The following GALNTL6 variants were observed in gnomAD, a reference collection of about 807,000 sequenced individuals.
GALNTL6 encodes polypeptide N-acetylgalactosaminyltransferase-like 6.
A neutral mutation model predicts 73.7 loss-of-function variants in GALNTL6; 46 were observed. The ratio of observed to expected loss-of-function variants is 0.62; its 90% confidence interval spans 0.49 to 0.80. The LOEUF (loss-of-function observed/expected upper bound fraction) is 0.80. GALNTL6 is among the 30% of genes least tolerant of loss of function. The pLI is 0.00. For synonymous variants in GALNTL6, 259 were observed against 263.7 expected (o/e 0.98, Z 0.17); for missense variants, 604 against 755.0 (o/e 0.80, Z 2.34).
intron 5 of GALNTL6, among the ~76,000 whole-genome samples, chr4:172,583,702 C>T (rs1737281905): frequency 6.6e-6 from 1 of 151,772 alleles, no homozygotes; most frequent in Admixed American, 6.6e-5. Context: ...GAGTTCGAGA[C>T]CAGCCTGACC....
chr4:172,644,827 A>G (rs1160910446), intron 5 of GALNTL6, among the ~76,000 whole-genome samples: 1 of 151,898 alleles, frequency 6.6e-6, no homozygotes, highest in Non-Finnish European at 1.5e-5. Flanking sequence ...ATCTTTGTCA[A>G]TTTACACTAC....
At chr4:173,021,424 T>C in intron 11 of GALNTL6, 52 bp from the exon 12 acceptor site, 1 of 1,597,834 alleles carries the variant, frequency 6.3e-7, no homozygotes, top group Non-Finnish European at 8.6e-7. Flanking sequence ...CCCTTGCATC[T>C]TCTCTCCAAA....
intron 5 of GALNTL6, among the ~76,000 whole-genome samples, chr4:172,759,372 T>A (rs1737935799): frequency 6.6e-6 from 1 of 152,212 alleles, no homozygotes. Context: ...AGTCAAATTC[T>A]ACAAACTGGA....
At chr4:172,941,695 T>A (rs1748930346) in intron 9 of GALNTL6, among the ~76,000 whole-genome samples, 1 of 152,240 alleles carries the variant, frequency 6.6e-6, no homozygotes. Flanking sequence ...AGGTCCCTGC[T>A]GCTACAAAAT....
intron 2 of GALNTL6, among the ~76,000 whole-genome samples, chr4:171,970,888 A>G (rs1374170493): frequency 2.0e-5 from 3 of 152,236 alleles, no homozygotes; most frequent in Non-Finnish European, 4.4e-5. Flanking sequence ...ATAAATCACT[A>G]CTGAAGTCAA....
intron 4 of GALNTL6, among the ~76,000 whole-genome samples, chr4:172,315,592 A>T (rs144651769): frequency 2.4e-4 from 37 of 152,292 alleles, no homozygotes; most frequent in Middle Eastern, 3.4e-3. Flanking sequence ...TACTTGATGT[A>T]TTTTAAATAC....
intron 2 of GALNTL6, among the ~76,000 whole-genome samples, chr4:172,156,540 A>AGTATATATATATATATATATAGTGTATAT (rs58197299): frequency 8.0e-6 from 1 of 125,186 alleles, no homozygotes; most frequent in African/African-American, 3.4e-5. Flanking sequence ...ATATATATAT[A>AGTATATATATATATATATATAGTGTATAT]ATATATATAT....
At chr4:172,294,686 A>G (rs1320341083) in intron 3 of GALNTL6, among the ~76,000 whole-genome samples, 1 of 152,220 alleles carries the variant, frequency 6.6e-6, no homozygotes, top group African/African-American at 2.4e-5. Context: ...TTGTAATTTT[A>G]TCTGTGTAAG....
chr4:172,630,511 C>G (rs1739347590), intron 5 of GALNTL6, among the ~76,000 whole-genome samples: 1 of 151,990 alleles, frequency 6.6e-6, no homozygotes, highest in African/African-American at 2.4e-5. Flanking sequence ...GCCACAGAAA[C>G]TGGAGGGGAA....
chr4:172,262,175 C>T (rs1738278859), intron 3 of GALNTL6, among the ~76,000 whole-genome samples: 1 of 151,240 alleles, frequency 6.6e-6, no homozygotes, highest in African/African-American at 2.4e-5. Flanking sequence ...TAGTTTAAAT[C>T]CAGTGTGTCT....
At chr4:172,087,029 A>G (rs1732054551) in intron 2 of GALNTL6, among the ~76,000 whole-genome samples, 1 of 152,116 alleles carries the variant, frequency 6.6e-6, no homozygotes, top group South Asian at 2.1e-4. Context: ...CCTACCGTGT[A>G]TTGTGGGAAA....
chr4:173,011,523 G>T (rs1428088904), intron 11 of GALNTL6, among the ~76,000 whole-genome samples: 1 of 152,130 alleles, frequency 6.6e-6, no homozygotes, highest in Non-Finnish European at 1.5e-5. Flanking sequence ...ATTTTAATTT[G>T]ATTTTTGTAC....
At chr4:171,960,158 G>C (rs1178927877) in intron 2 of GALNTL6, among the ~76,000 whole-genome samples, 1 of 152,142 alleles carries the variant, frequency 6.6e-6, no homozygotes, top group East Asian at 1.9e-4. Context: ...TCTGTTTATT[G>C]AATTTGGCTA....
chr4:172,437,706 A>T (rs192990397), intron 5 of GALNTL6, among the ~76,000 whole-genome samples: 3 of 152,104 alleles, frequency 2.0e-5, no homozygotes, highest in Non-Finnish European at 4.4e-5. Context: ...CAATCTCTGA[A>T]TAGCATGTAA....
chr4:172,955,236 G>A (rs913722871), intron 10 of GALNTL6, among the ~76,000 whole-genome samples: 1 of 152,172 alleles, frequency 6.6e-6, no homozygotes, highest in African/African-American at 2.4e-5. Context: ...CCAGCACTTT[G>A]GGAGGCAGAG....
At chr4:172,856,310 C>T (rs951576101) in intron 7 of GALNTL6, among the ~76,000 whole-genome samples, 3 of 152,072 alleles carry the variant, frequency 2.0e-5, no homozygotes, top group Non-Finnish European at 4.4e-5. Flanking sequence ...ATAAAATGGA[C>T]AATAAAAAAT....
intron 2 of GALNTL6, among the ~76,000 whole-genome samples, chr4:172,187,852 T>C (rs1305692269): frequency 6.6e-6 from 1 of 152,212 alleles, no homozygotes; most frequent in East Asian, 1.9e-4. Context: ...TTGTCCTGTT[T>C]GGGTTACTTA....
intron 5 of GALNTL6, among the ~76,000 whole-genome samples, chr4:172,749,532 A>G (rs116736899): frequency 6.4e-4 from 98 of 152,236 alleles, no homozygotes; most frequent in African/African-American, 2.3e-3. Context: ...TCACAATTCT[A>G]CAAATGACAC....
intron 11 of GALNTL6, among the ~76,000 whole-genome samples, chr4:173,011,636 C>T (rs1044134127): frequency 6.6e-6 from 1 of 152,178 alleles, no homozygotes; most frequent in African/African-American, 2.4e-5. Context: ...AAGAGACTGT[C>T]TTTTCCCCAG....
Sources: gnomAD v4.1 joint callset for allele counts (sites outside exome capture counted in the v4.1 genomes callset) on GRCh38, gnomAD v4.1.1 for gene constraint, MANE v1.5 for transcripts, NCBI Gene and HGNC (gene_info 2026-07-23, HGNC 2026-07-21) for gene names.